The following CFAP97D2 variants were observed in gnomAD, a reference collection of about 807,000 sequenced individuals.
The protein encoded by CFAP97D2 is CFAP97 domain containing 2.
At chr13:114,204,952 C>T (rs1050169461) in intron 3 of CFAP97D2, among the ~76,000 whole-genome samples, 5 of 152,148 alleles carry the variant, frequency 3.3e-5, no homozygotes, top group African/African-American at 4.8e-5. Context: ...ATCTAGAATA[C>T]ATGAAGACCT....
intron 4 of CFAP97D2, among the ~76,000 whole-genome samples, chr13:114,220,091 G>A (rs1243879774): frequency 6.6e-6 from 1 of 152,160 alleles, no homozygotes; most frequent in African/African-American, 2.4e-5. Flanking sequence ...TTTGAAAACT[G>A]TAGGTTTAGG....
intron 4 of CFAP97D2, among the ~76,000 whole-genome samples, chr13:114,219,470 T>C (rs1244206088): frequency 6.6e-6 from 1 of 152,252 alleles, no homozygotes; most frequent in African/African-American, 2.4e-5. Flanking sequence ...TCTTTGGCTC[T>C]CTTATTCTTC....
At chr13:114,195,206 C>T (rs1268981553) in intron 1 of CFAP97D2, among the ~76,000 whole-genome samples, 1 of 152,244 alleles carries the variant, frequency 6.6e-6, no homozygotes, top group Non-Finnish European at 1.5e-5. Flanking sequence ...GGCTTCTCTT[C>T]GTTCACACGT....
At chr13:114,218,413 G>T (rs537933370) in intron 4 of CFAP97D2, among the ~76,000 whole-genome samples, 231 of 152,312 alleles carry the variant, frequency 1.5e-3, no homozygotes, top group African/African-American at 5.3e-3. Context: ...CACGCTCATG[G>T]ATAGGAAGAA....
intron 3 of CFAP97D2, among the ~76,000 whole-genome samples, chr13:114,205,039 G>A (rs1209392444): frequency 6.6e-6 from 1 of 152,162 alleles, no homozygotes; most frequent in Non-Finnish European, 1.5e-5. Flanking sequence ...CTCCAAGGAA[G>A]ACATACAGAT....
chr13:114,203,275 A>G lies in CFAP97D2; in HGVS notation c.290+2832A>G, dbSNP rs1215102559. Among the ~76,000 whole-genome samples, 1 of 152,252 alleles carries G rather than the reference A, an allele frequency of 6.6e-6. No homozygotes were observed. Among genetic ancestry groups the G allele is most frequent in the African/African-American group, 2.4e-5 (1 of 41,472 alleles). ...TCAATTGTGTTTTTATATACTTGCA[A>G]TGAGCAATCTGAAGAGGAAACTAAG... On this transcript the variant is annotated intron_variant, in intron 3 of 4. Coordinates refer to ENST00000646158, the Ensembl canonical transcript of CFAP97D2. The surrounding 1 kb of genome is among the most constrained non-coding windows in gnomAD (Gnocchi z 4.3).
At chr13:114,197,984 TTTTC>T (rs2138764192) in intron 2 of CFAP97D2, among the ~76,000 whole-genome samples, 1 of 152,200 alleles carries the variant, frequency 6.6e-6, no homozygotes, top group East Asian at 1.9e-4. Flanking sequence ...TTCTTTTTTC[TTTTC>T]TTTTTTTATT....
intron 2 of CFAP97D2, among the ~76,000 whole-genome samples, chr13:114,199,073 C>A (rs1456112418): frequency 1.5e-5 from 1 of 66,108 alleles, no homozygotes; most frequent in Non-Finnish European, 2.7e-5. Context: ...CGTGACGGCG[C>A]GTCCCCGTGT....
rs1223800061 is a variant in CFAP97D2 at position 114,185,778 on chromosome 13, A to G, written c.90+6358A>G. Among the ~76,000 whole-genome samples, 1 of 152,238 alleles carries G rather than the reference A, an allele frequency of 6.6e-6. No individual in the cohort carries two copies. Among genetic ancestry groups the G allele is most frequent in the African/African-American group, 2.4e-5 (1 of 41,456 alleles). On this transcript the variant is annotated intron_variant, in intron 1 of 4. Coordinates refer to ENST00000646158, the Ensembl canonical transcript of CFAP97D2. The surrounding 1 kb of genome is among the most constrained non-coding windows in gnomAD (Gnocchi z 5.2). ...ACCTCAGCCCCCTCCAGATTTGGGC[A>G]CTGACAAGCACAGGAGGGAGGCTGA...
At chr13:114,213,798 C>CCTAACCCTAACCCTAA in intron 4 of CFAP97D2, among the ~76,000 whole-genome samples, 1 of 148,862 alleles carries the variant, frequency 6.7e-6, no homozygotes, top group Non-Finnish European at 1.5e-5. Context: ...TGGACAAGCT[C>CCTAACCCTAACCCTAA]CAGGACCACA....
rs1679220175 is a variant in CFAP97D2, at chr13:114,192,208, C to T, written c.91-4188C>T. On this transcript the variant is annotated intron_variant, in intron 1 of 4. Transcript: ENST00000646158. ...AGAATATGTGACACCAAGAGTGAAC[C>T]CTAACGTAAACTATGGGTTTTAGGT... Among the ~76,000 whole-genome samples, 4 of 152,110 alleles carry T rather than the reference C, an allele frequency of 2.6e-5. No homozygotes were observed. The South Asian group carries it at 8.3e-4, about 32-fold the overall frequency.
upstream of CFAP97D2, chr13:114,179,280 G>C: frequency 2.5e-6 from 1 of 398,612 alleles, no homozygotes; most frequent in Non-Finnish European, 4.4e-6. This position sits in a 1 kb window ranked among gnomAD's most constrained non-coding sequence, Gnocchi z 4.8. Context: ...GTCTGCACCA[G>C]GCCCCAGCTG....
At position 114,187,916 on chromosome 13, in the gene CFAP97D2, A is replaced by G. The variant is rs1034462024; in HGVS notation, c.91-8480A>G. ...ATAATACAATATCTACTCTTAGACCACAATGGAATTAAACTAGAAGTCAAT... is the reference window on the plus strand; with the variant it reads ...ATAATACAATATCTACTCTTAGACCGCAATGGAATTAAACTAGAAGTCAAT... On this transcript the variant is annotated intron_variant, in intron 1 of 4. Coordinates refer to ENST00000646158, the Ensembl canonical transcript of CFAP97D2. This position sits in a 1 kb window ranked among gnomAD's most constrained non-coding sequence, Gnocchi z 4.2. 3.3e-5 allele frequency among the ~76,000 whole-genome samples: 5 copies of G among 152,352 alleles called. No individual in the cohort carries two copies. The highest frequency in any genetic ancestry group is 3.4e-3 in the Middle Eastern group (1 of 294).
At chr13:114,197,869 G>A (rs1484295602) in intron 2 of CFAP97D2, among the ~76,000 whole-genome samples, 1 of 152,156 alleles carries the variant, frequency 6.6e-6, no homozygotes, top group African/African-American at 2.4e-5. Context: ...GTTTTTAGTA[G>A]TGATGGGGTT....
At chr13:114,209,248 C>G (rs1317626956) in intron 3 of CFAP97D2, among the ~76,000 whole-genome samples, 1 of 152,214 alleles carries the variant, frequency 6.6e-6, no homozygotes, top group Non-Finnish European at 1.5e-5. Context: ...AGCTAATTTG[C>G]TCCAGTGAAA....
At chr13:114,192,925 AC>A (rs2080874802) in intron 1 of CFAP97D2, among the ~76,000 whole-genome samples, 1 of 152,314 alleles carries the variant, frequency 6.6e-6, no homozygotes, top group South Asian at 2.1e-4. Context: ...ATGCCAAAAA[AC>A]AAGCAATAAA....
At chr13:114,184,924 C>G (rs1303421823) in intron 1 of CFAP97D2, among the ~76,000 whole-genome samples, 3 of 152,198 alleles carry the variant, frequency 2.0e-5, no homozygotes, top group African/African-American at 7.2e-5. Context: ...ATGTGCATAT[C>G]TCTATCTGTG....
At chr13:114,200,839 C>T (rs374788156) in intron 3 of CFAP97D2, among the ~76,000 whole-genome samples, 1 of 152,170 alleles carries the variant, frequency 6.6e-6, no homozygotes, top group Admixed American at 6.5e-5. Context: ...TGCAGTTCGG[C>T]GGCGGAGGAA....
At chr13:114,210,654 G>A (rs2080962571) in intron 3 of CFAP97D2, among the ~76,000 whole-genome samples, 1 of 152,074 alleles carries the variant, frequency 6.6e-6, no homozygotes, top group Non-Finnish European at 1.5e-5. Flanking sequence ...CGATGCTGCA[G>A]ATTTGATTGC....
Sources: allele counts gnomAD v4.1 joint callset (sites outside exome capture counted in the v4.1 genomes callset), GRCh38; gene constraint gnomAD v4.1.1; non-coding constraint Gnocchi (gnomAD v3.1); transcripts MANE v1.5; gene names NCBI Gene and HGNC (gene_info 2026-07-23, HGNC 2026-07-21).